Variants in DTNBP1 observed in about 807,000 individuals in gnomAD.
DTNBP1 encodes dysbindin.
DTNBP1 carries 35 observed loss-of-function variants against 42.8 expected under a neutral mutation model. The ratio of observed to expected loss-of-function variants is 0.82; its 90% CI spans 0.63 to 1.09. The LOEUF (loss-of-function observed/expected upper bound fraction) is 1.09, where lower values mean the gene tolerates loss of function less well. Ranked by LOEUF, DTNBP1 falls within the 50% of genes least tolerant of loss-of-function variation. The probability of loss-of-function intolerance (pLI) is 0.00; values close to 1 mark genes in which losing one functional copy is unlikely to be tolerated. For missense variants in DTNBP1, 457 were observed against 424.2 expected (o/e 1.08, Z -0.68); for synonymous variants, 171 against 162.2 (o/e 1.05, Z -0.41).
intron 3 of DTNBP1, 49 bp downstream of exon 3, chr6:15,651,264 C>T (rs1333685693): frequency 6.5e-7 from 1 of 1,544,906 alleles, no homozygotes; most frequent in Admixed American, 1.7e-5. Context: ...TATTTTTGGT[C>T]AGTAAAAAAG....
chr6:15,550,335 T>C (rs1581305554), intron 7 of DTNBP1, among the ~76,000 whole-genome samples: 1 of 152,234 alleles, frequency 6.6e-6, no homozygotes, highest in African/African-American at 2.4e-5. Context: ...ATTTACGAGA[T>C]AGTATGTGAC....
rs1455730219 is a variant in DTNBP1 at position 15,523,089 on chromosome 6, C to T, written c.942G>A (p.Gly314=). 5 of 1,614,202 alleles carry T rather than the reference C, an allele frequency of 3.1e-6. No homozygotes were observed. The highest frequency in any genetic ancestry group is 1.3e-5 in the African/African-American group (1 of 75,040). The change falls in exon 10 of 10, where the codon GGG becomes GGA. Residue 314 remains glycine, a synonymous_variant. Coordinates refer to ENST00000344537, the MANE Select transcript of DTNBP1 (RefSeq NM_032122.5). ...CATCGGACTGAACAACGGGGGACTCCCCACCCTCACTGATGTCCCGGGTGG... is the reference window on the plus strand; with the variant it reads ...CATCGGACTGAACAACGGGGGACTCTCCACCCTCACTGATGTCCCGGGTGG... ...DSATRDISEG[G]ESPVVQSDEE...
chr6:15,528,613 T>A (rs1335246326), intron 8 of DTNBP1, among the ~76,000 whole-genome samples: 2 of 152,082 alleles, frequency 1.3e-5, no homozygotes, highest in African/African-American at 4.8e-5. Context: ...TTAGCAAAAA[T>A]TTAAAAATCT....
rs989302347 is a variant in DTNBP1, at chr6:15,648,013, A to G, written c.161+3300T>C. ...TACTAATGCAAAAATCCTCAACAAA[A>G]TACTGGCAAACTAAATTCTGCACTG... On this transcript the variant is annotated intron_variant, in intron 3 of 9. Transcript: ENST00000344537. 1.2e-4 allele frequency among the ~76,000 whole-genome samples: 19 copies of G among 152,038 alleles called. 1 individual carries two copies. Among genetic ancestry groups the G allele is most frequent in the African/African-American group, 4.6e-4 (19 of 41,438 alleles).
intron 6 of DTNBP1, among the ~76,000 whole-genome samples, chr6:15,606,291 C>A (rs564044219): frequency 6.6e-6 from 1 of 152,306 alleles, no homozygotes; most frequent in Non-Finnish European, 1.5e-5. Context: ...CTGCTGGGAA[C>A]GTCCGTCAAA....
intron 7 of DTNBP1, among the ~76,000 whole-genome samples, 155 bp downstream of exon 7, chr6:15,592,904 C>A (rs1245221310): frequency 6.6e-6 from 1 of 152,128 alleles, no homozygotes; most frequent in Non-Finnish European, 1.5e-5. Context: ...ATCAAAACCA[C>A]CTGTGATTAA....
At chr6:15,631,701 C>T (rs1473736327) in intron 4 of DTNBP1, among the ~76,000 whole-genome samples, 1 of 152,196 alleles carries the variant, frequency 6.6e-6, no homozygotes. Flanking sequence ...ATATCCATCT[C>T]CTCATTGCCC....
intron 7 of DTNBP1, among the ~76,000 whole-genome samples, chr6:15,570,853 A>G (rs949406172): frequency 5.9e-5 from 9 of 152,252 alleles, no homozygotes; most frequent in Non-Finnish European, 1.2e-4. Flanking sequence ...CAACAGGAAA[A>G]TAAAGACCAA....
intron 7 of DTNBP1, among the ~76,000 whole-genome samples, chr6:15,542,582 G>T (rs1355717667): frequency 6.6e-6 from 1 of 152,142 alleles, no homozygotes; most frequent in African/African-American, 2.4e-5. Context: ...TTGTTTGACA[G>T]GATGGTCTCG....
chr6:15,530,402 C>A (rs1348215751), intron 8 of DTNBP1, among the ~76,000 whole-genome samples: 1 of 152,308 alleles, frequency 6.6e-6, no homozygotes, highest in African/African-American at 2.4e-5. Context: ...GCGACATGTG[C>A]CTGATTTTTA....
chr6:15,523,525 T>C, intron 9 of DTNBP1: 2 of 1,276,120 alleles, frequency 1.6e-6, no homozygotes, highest in Non-Finnish European at 1.0e-6. Flanking sequence ...TGCCTATCTT[T>C]GAGGAGCAGT....
chr6:15,578,054 C>T (rs1318149995), intron 7 of DTNBP1, among the ~76,000 whole-genome samples: 1 of 152,200 alleles, frequency 6.6e-6, no homozygotes, highest in South Asian at 2.1e-4. Flanking sequence ...GAGGTGAGCA[C>T]TGATGGTGCA....
intron 6 of DTNBP1, among the ~76,000 whole-genome samples, chr6:15,609,882 A>C (rs952371059): frequency 1.3e-5 from 2 of 152,176 alleles, no homozygotes; most frequent in African/African-American, 2.4e-5. Flanking sequence ...CTAAATATCC[A>C]TATCTGCAGG....
rs576515648 is a variant in DTNBP1 at position 15,610,116 on chromosome 6, G to A, written c.488+5151C>T. ...TTAGAGTCAAGTCTGGAGCCCCTCA[G>A]GTGAAATTCCACATTGCCTGATGAG... On this transcript the variant is annotated intron_variant, in intron 6 of 9. Coordinates refer to ENST00000344537, the MANE Select transcript of DTNBP1 (RefSeq NM_032122.5). 3.9e-5 allele frequency among the ~76,000 whole-genome samples: 6 copies of A among 152,290 alleles called. No individual in the cohort carries two copies. In the South Asian group the frequency reaches 1.0e-3, roughly 26 times the overall value.
chr6:15,553,171 T>C (rs900359385), intron 7 of DTNBP1, among the ~76,000 whole-genome samples: 8 of 152,116 alleles, frequency 5.3e-5, no homozygotes, highest in Non-Finnish European at 1.0e-4. Context: ...TGCCCTGTTA[T>C]ATTTGCATTT....
intron 5 of DTNBP1, among the ~76,000 whole-genome samples, chr6:15,616,655 T>G (rs1158085258): frequency 6.6e-6 from 1 of 152,272 alleles, no homozygotes; most frequent in Non-Finnish European, 1.5e-5. Flanking sequence ...GCTTTTTACA[T>G]GACTTTCTAA....
chr6:15,647,367 C>A (rs1164382314), intron 3 of DTNBP1, among the ~76,000 whole-genome samples: 5 of 151,660 alleles, frequency 3.3e-5, no homozygotes, highest in Non-Finnish European at 5.9e-5. Flanking sequence ...AATACCACTA[C>A]CGTTTATATC....
At chr6:15,613,048 C>T (rs1758501597) in intron 6 of DTNBP1, among the ~76,000 whole-genome samples, 1 of 152,162 alleles carries the variant, frequency 6.6e-6, no homozygotes, top group East Asian at 1.9e-4. Flanking sequence ...TGGCTCACGC[C>T]TGTAATCCCA....
rs138529825 is a variant in DTNBP1 at position 15,639,623 on chromosome 6, G to A, written c.162-1819C>T. Among the ~76,000 whole-genome samples the A allele has an allele frequency of 1.8e-3, 274 of 152,242 alleles. 1 individual carries two copies. Among genetic ancestry groups the A allele is most frequent in the Non-Finnish European group, 3.4e-3 (230 of 67,998 alleles). On this transcript the variant is annotated intron_variant, in intron 3 of 9. Coordinates refer to ENST00000344537, the MANE Select transcript of DTNBP1 (RefSeq NM_032122.5). ...AACAGAAAGCTAGAAAATTTTCTTG[G>A]ATGTATCAGATTATGTAAGCATCAA...
Sources: allele counts gnomAD v4.1 joint callset (sites outside exome capture counted in the v4.1 genomes callset), GRCh38; gene constraint gnomAD v4.1.1; transcripts MANE v1.5; gene names NCBI Gene and HGNC (gene_info 2026-07-23, HGNC 2026-07-21).